CYTH3: variants seen among roughly 807,000 people sequenced by gnomAD.
The protein encoded by CYTH3 is cytohesin-3.
CYTH3 carries 23 observed loss-of-function variants against 55.1 expected under a neutral mutation model. The observed-to-expected ratio is 0.42, with a 90% CI of 0.30 to 0.59. CYTH3 has a LOEUF of 0.59. Among genes scored for constraint, CYTH3 ranks in the 20% least tolerant of loss-of-function variants. The probability of loss-of-function intolerance (pLI) is 0.20; values close to 1 mark genes in which losing one functional copy is unlikely to be tolerated. For synonymous variants in CYTH3, 249 were observed against 194.9 expected, an observed-to-expected ratio of 1.28 and a Z score of -2.31; for missense variants, 413 against 524.8, an observed-to-expected ratio of 0.79 and a Z score of 2.08.
intron 1 of CYTH3, among the ~76,000 whole-genome samples, chr7:6,264,683 T>C (rs754600742): frequency 2.9e-4 from 44 of 152,078 alleles, no homozygotes; most frequent in Admixed American, 2.6e-4. Flanking sequence ...CTAAGAAACA[T>C]TGAAAGCAAA....
At position 6,259,828 on chromosome 7, in the gene CYTH3, ATATAT is replaced by A. The variant is rs1435190761; in HGVS notation, c.34+12641_34+12645del. ...ATATATATATAATATATATATATAT[ATATAT>A]TTTTTTTTTTTTTTAAGACGGATTT... On this transcript the variant is annotated intron_variant, in intron 1 of 12. Coordinates refer to ENST00000350796, the MANE Select transcript of CYTH3 (RefSeq NM_004227.4). Among the ~76,000 whole-genome samples the A allele has an allele frequency of 2.3e-3, 52 of 22,890 alleles. 2 individuals are homozygous for A. Among genetic ancestry groups the A allele is most frequent in the African/African-American group, 7.4e-3 (23 of 3,094 alleles). 15.0% of individuals were successfully genotyped at this position (22,890 alleles called of 152,430 possible).
chr7:6,189,460 C>A (rs561200900), intron 2 of CYTH3, among the ~76,000 whole-genome samples: 6 of 152,212 alleles, frequency 3.9e-5, no homozygotes, highest in African/African-American at 1.4e-4. Flanking sequence ...AGGTACAAAA[C>A]TTAGCTGGGC....
chr7:6,265,090 G>A (rs2115066445), intron 1 of CYTH3, among the ~76,000 whole-genome samples: 1 of 152,192 alleles, frequency 6.6e-6, no homozygotes, highest in South Asian at 2.1e-4. Flanking sequence ...AGGCAGGAGT[G>A]TGCTTGGCAA....
intron 1 of CYTH3, among the ~76,000 whole-genome samples, chr7:6,224,109 T>C (rs776453172): frequency 1.5e-4 from 23 of 152,062 alleles, no homozygotes; most frequent in Non-Finnish European, 3.4e-4. Flanking sequence ...ACTCAAACTC[T>C]TGGACTCAAG....
chr7:6,190,602 T>C (rs1399842872), intron 1 of CYTH3, 71 bp from the exon 2 acceptor site: 33 of 1,200,634 alleles, frequency 2.7e-5, no homozygotes, highest in Non-Finnish European at 3.7e-5. Context: ...TTGAGGTGGG[T>C]ACATGCTGCC....
chr7:6,199,592 T>TA (rs1207099062), intron 1 of CYTH3, among the ~76,000 whole-genome samples: 1 of 152,100 alleles, frequency 6.6e-6, no homozygotes, highest in East Asian at 1.9e-4. Flanking sequence ...TATAAAAACT[T>TA]AAACTAATTT....
intron 4 of CYTH3, among the ~76,000 whole-genome samples, chr7:6,185,173 G>C (rs761940810): frequency 1.3e-5 from 2 of 152,196 alleles, no homozygotes; most frequent in Non-Finnish European, 2.9e-5. Flanking sequence ...CCATCTTGGA[G>C]ATGATTTATG....
At chr7:6,250,198 A>G (rs1455293144) in intron 1 of CYTH3, among the ~76,000 whole-genome samples, 2 of 152,190 alleles carry the variant, frequency 1.3e-5, no homozygotes, top group Admixed American at 6.5e-5. Flanking sequence ...TGAACCCACT[A>G]TTGGTCTTCA....
intron 1 of CYTH3, among the ~76,000 whole-genome samples, chr7:6,200,619 G>A (rs1583778662): frequency 1.3e-5 from 2 of 152,176 alleles, no homozygotes; most frequent in Admixed American, 6.5e-5. Flanking sequence ...GGCCGATTCT[G>A]CAGGAAACAG....
rs1783159841 is a variant in CYTH3 at position 6,170,756 on chromosome 7, G to C, written c.711+74C>G. ...CAAGGAGGCTTGGGAGGCGTGTCTA[G>C]AGCCGCGGGCGCTGCGGCCGCTCAC... On this transcript the variant is annotated intron_variant, in intron 8 of 12. Coordinates refer to ENST00000350796, the MANE Select transcript of CYTH3 (RefSeq NM_004227.4). This position sits in a 1 kb window ranked among gnomAD's most constrained non-coding sequence, Gnocchi z 7.8. 6.4e-7 allele frequency: 1 copy of C among 1,569,464 alleles called. No individual in the cohort carries two copies.
intron 4 of CYTH3, among the ~76,000 whole-genome samples, chr7:6,183,545 T>C (rs1344001448): frequency 6.6e-6 from 1 of 152,226 alleles, no homozygotes; most frequent in Non-Finnish European, 1.5e-5. Flanking sequence ...CAAAGCTCCC[T>C]GTTTAAAGTG....
chr7:6,239,288 A>G (rs1356935709), intron 1 of CYTH3, among the ~76,000 whole-genome samples: 1 of 152,184 alleles, frequency 6.6e-6, no homozygotes, highest in Non-Finnish European at 1.5e-5. Context: ...GAGAAAGAGA[A>G]GAGAAGACGC....
intron 4 of CYTH3, among the ~76,000 whole-genome samples, chr7:6,182,300 C>T (rs1195242813): frequency 6.6e-6 from 1 of 152,144 alleles, no homozygotes; most frequent in African/African-American, 2.4e-5. Flanking sequence ...TCCACCCACC[C>T]CGGCCTCCCA....
intron 4 of CYTH3, among the ~76,000 whole-genome samples, chr7:6,182,977 G>C (rs561933952): frequency 1.3e-5 from 2 of 152,324 alleles, no homozygotes; most frequent in South Asian, 2.1e-4. Context: ...CTTGCTTCTG[G>C]TTTTTGCTGC....
At chr7:6,183,913 G>A (rs1368132036) in intron 4 of CYTH3, among the ~76,000 whole-genome samples, 5 of 151,990 alleles carry the variant, frequency 3.3e-5, no homozygotes, top group Non-Finnish European at 5.9e-5. Context: ...TGAGGATACA[G>A]CAAGAAGGCG....
rs557406758 is a variant in CYTH3, at chr7:6,226,847, A to G, written c.35-36316T>C. Among the ~76,000 whole-genome samples, 831 of 152,196 alleles carry G rather than the reference A, an allele frequency of 5.5e-3. 8 individuals carry two copies. Among genetic ancestry groups the G allele is most frequent in the Non-Finnish European group, 9.9e-3 (673 of 68,000 alleles). On this transcript the variant is annotated intron_variant, in intron 1 of 12. Transcript: ENST00000350796. Reference sequence around the variant, plus strand: ...TGTAATCCTAGCACTTTGGGAGGCCAAGGTGGGCGGATCACGAGGTCAGGA... The same window carrying G: ...TGTAATCCTAGCACTTTGGGAGGCCGAGGTGGGCGGATCACGAGGTCAGGA...
At chr7:6,229,983 AGTC>A (rs1274053639) in intron 1 of CYTH3, among the ~76,000 whole-genome samples, 1 of 151,996 alleles carries the variant, frequency 6.6e-6, no homozygotes, top group Non-Finnish European at 1.5e-5. Flanking sequence ...AAAAATACAA[AGTC>A]AGCCGGGTGT....
intron 1 of CYTH3, among the ~76,000 whole-genome samples, chr7:6,190,817 C>T (rs1317726193): frequency 6.6e-6 from 1 of 152,126 alleles, no homozygotes; most frequent in East Asian, 1.9e-4. Context: ...TGGCTCATGC[C>T]TGTAATCCCA....
intron 1 of CYTH3, among the ~76,000 whole-genome samples, chr7:6,199,433 G>A (rs1166428570): frequency 6.6e-6 from 1 of 152,154 alleles, no homozygotes; most frequent in African/African-American, 2.4e-5. Context: ...GGAGGATCTG[G>A]AGCCCAAGAG....
Sources: allele counts gnomAD v4.1 joint callset (sites outside exome capture counted in the v4.1 genomes callset), GRCh38; gene constraint gnomAD v4.1.1; non-coding constraint Gnocchi (gnomAD v3.1); transcripts MANE v1.5; gene names NCBI Gene and HGNC (gene_info 2026-07-23, HGNC 2026-07-21).